Variants in MNAT1 observed in about 807,000 individuals in gnomAD.
MNAT1 encodes the protein MNAT1 component of CDK activating kinase.
MNAT1 carries 43 observed loss-of-function variants against 42.0 expected under a neutral mutation model. That is an observed-to-expected ratio of 1.02 (90% CI 0.80 to 1.32). The LOEUF (loss-of-function observed/expected upper bound fraction) is 1.32. Among genes scored for constraint, MNAT1 ranks in the 40% most tolerant of loss-of-function variants. MNAT1 has a pLI of 0.00. For missense variants in MNAT1, 306 were observed against 350.4 expected (o/e 0.87, Z 1.01); for synonymous variants, 118 against 120.0 (o/e 0.98, Z 0.11).
At chr14:60,953,820 C>G (rs534808952) in intron 7 of MNAT1, among the ~76,000 whole-genome samples, 253 of 152,214 alleles carry the variant, frequency 1.7e-3, no homozygotes, top group Non-Finnish European at 2.9e-3. Flanking sequence ...AGTAGCCATC[C>G]TAACAGGTGT....
At chr14:60,914,048 C>T (rs1198670630) in intron 7 of MNAT1, among the ~76,000 whole-genome samples, 4 of 152,244 alleles carry the variant, frequency 2.6e-5, no homozygotes, top group African/African-American at 7.2e-5. Context: ...CCCAGCCTCG[C>T]TGCCGCCTTG....
chr14:60,911,934 C>T (rs895511657), intron 7 of MNAT1, among the ~76,000 whole-genome samples: 6 of 151,924 alleles, frequency 3.9e-5, no homozygotes, highest in African/African-American at 1.5e-4. Context: ...TAAAGTCTCC[C>T]ATTATTATTG....
intron 7 of MNAT1, among the ~76,000 whole-genome samples, chr14:60,911,968 A>G (rs1178817638): frequency 6.6e-6 from 1 of 152,044 alleles, no homozygotes; most frequent in Non-Finnish European, 1.5e-5. Context: ...GTCTCTTTCT[A>G]GGTCTCTAAG....
chr14:60,777,959 A>C (rs758171457), intron 1 of MNAT1, among the ~76,000 whole-genome samples: 5 of 152,232 alleles, frequency 3.3e-5, no homozygotes, highest in Non-Finnish European at 7.3e-5. Context: ...AAACCAGAGC[A>C]GTCTGAGAAT....
chr14:60,833,988 G>C (rs2033299785), intron 6 of MNAT1, among the ~76,000 whole-genome samples: 2 of 152,010 alleles, frequency 1.3e-5, no homozygotes, highest in South Asian at 4.2e-4. Flanking sequence ...GTTTTCTGAT[G>C]GTAGTTTGTA....
intron 6 of MNAT1, among the ~76,000 whole-genome samples, chr14:60,861,999 A>G (rs1257289309): frequency 6.6e-6 from 1 of 152,216 alleles, no homozygotes; most frequent in Admixed American, 6.5e-5. Flanking sequence ...TGTTATGGGA[A>G]TGCCCGAATT....
intron 7 of MNAT1, among the ~76,000 whole-genome samples, chr14:60,967,643 T>G (rs2036706221): frequency 6.6e-6 from 1 of 152,240 alleles, no homozygotes; most frequent in Non-Finnish European, 1.5e-5. Flanking sequence ...TTTTCAGACA[T>G]TATTTTGAAC....
At position 60,749,045 on chromosome 14, in the gene MNAT1, G is replaced by A. The variant is rs2029956412; in HGVS notation, c.89+14094G>A. Among the ~76,000 whole-genome samples the A allele has an allele frequency of 2.6e-5, 4 of 152,276 alleles. No homozygotes were observed. In the South Asian group the frequency reaches 8.3e-4, roughly 32 times the overall value. Reference sequence around the variant, plus strand: ...ATTAGGTGATAGGAATTTTTCAGCTGTATTATAATCTTAAGGAACAGACAT... The same window carrying A: ...ATTAGGTGATAGGAATTTTTCAGCTATATTATAATCTTAAGGAACAGACAT... On this transcript the variant is annotated intron_variant, in intron 1 of 7. Coordinates refer to ENST00000261245, the MANE Select transcript of MNAT1 (RefSeq NM_002431.4).
At chr14:60,880,016 A>G in intron 7 of MNAT1, 181 bp downstream of exon 7, 1 of 458,298 alleles carries the variant, frequency 2.2e-6, no homozygotes, top group Non-Finnish European at 3.6e-6. Flanking sequence ...TGGACTTGTT[A>G]GGTCTCTTGA....
intron 7 of MNAT1, among the ~76,000 whole-genome samples, chr14:60,936,559 T>C (rs957741371): frequency 2.6e-5 from 4 of 152,038 alleles, no homozygotes; most frequent in East Asian, 1.9e-4. Context: ...ATGAACTCAT[T>C]ATTTCTTATG....
At chr14:60,913,797 C>T (rs1317132829) in intron 7 of MNAT1, among the ~76,000 whole-genome samples, 2 of 152,208 alleles carry the variant, frequency 1.3e-5, no homozygotes, top group Non-Finnish European at 2.9e-5. Flanking sequence ...AGGAGGCAGT[C>T]TGTCGGTGTT....
chr14:60,867,775 A>G (rs2139443821), intron 6 of MNAT1, among the ~76,000 whole-genome samples: 1 of 152,242 alleles, frequency 6.6e-6, no homozygotes, highest in South Asian at 2.1e-4. Context: ...TAGAGAAATT[A>G]AATGTTGCAC....
intron 6 of MNAT1, among the ~76,000 whole-genome samples, chr14:60,832,994 A>G (rs1023621244): frequency 6.6e-6 from 1 of 152,078 alleles, no homozygotes; most frequent in Non-Finnish European, 1.5e-5. Flanking sequence ...TTGTTGTTGT[A>G]TAGGAATGCT....
rs141195303 is a variant in MNAT1 at position 60,780,103 on chromosome 14, C to T, written c.90-16114C>T. 3,677 of 1,459,936 alleles carry T rather than the reference C, an allele frequency of 2.5e-3. 5 individuals are homozygous for T. Among genetic ancestry groups the T allele is most frequent in the Non-Finnish European group, 3.2e-3 (3,352 of 1,039,644 alleles). The allele number at this position is 1,459,936 out of a possible 1,614,324, so 90.4% of individuals were successfully genotyped here. On this transcript the variant is annotated intron_variant, in intron 1 of 7. Coordinates refer to ENST00000261245, the MANE Select transcript of MNAT1 (RefSeq NM_002431.4). ...AGCGTGGCATTTATCCATCTGAAAT[C>T]TTTACTCGAGTGCAGAAATACGGAC...
chr14:60,865,664 G>A (rs2034187363), intron 6 of MNAT1, among the ~76,000 whole-genome samples: 1 of 152,018 alleles, frequency 6.6e-6, no homozygotes, highest in South Asian at 2.1e-4. Context: ...TTTCAACATT[G>A]TATCACATTT....
chr14:60,891,457 T>G (rs1263187917), intron 7 of MNAT1, among the ~76,000 whole-genome samples: 1 of 148,370 alleles, frequency 6.7e-6, no homozygotes, highest in South Asian at 2.1e-4. Flanking sequence ...GTTTTGTTTG[T>G]TTTTTTTTTG....
At chr14:60,887,038 A>G (rs987785963) in intron 7 of MNAT1, among the ~76,000 whole-genome samples, 1 of 152,122 alleles carries the variant, frequency 6.6e-6, no homozygotes, top group South Asian at 2.1e-4. Flanking sequence ...ATTTTATTCT[A>G]AACTTATTTT....
intron 7 of MNAT1, among the ~76,000 whole-genome samples, chr14:60,921,907 T>C (rs577835082): frequency 6.6e-6 from 1 of 152,278 alleles, no homozygotes. Context: ...TTACATACAG[T>C]GTTGTATTCA....
intron 1 of MNAT1, among the ~76,000 whole-genome samples, chr14:60,792,331 G>A (rs1470210252): frequency 6.6e-6 from 1 of 152,052 alleles, no homozygotes; most frequent in Non-Finnish European, 1.5e-5. Context: ...CAAAGATATG[G>A]CACTTCAATC....
Sources: allele counts gnomAD v4.1 joint callset (sites outside exome capture counted in the v4.1 genomes callset), GRCh38; gene constraint gnomAD v4.1.1; transcripts MANE v1.5; gene names NCBI Gene and HGNC (gene_info 2026-07-23, HGNC 2026-07-21).